Variants in ANKS1B observed in about 807,000 individuals in gnomAD.
ANKS1B encodes ankyrin repeat and sterile alpha motif domain-containing protein 1B.
Under a neutral mutation model 148.3 loss-of-function variants are expected in ANKS1B, and 36 were observed. That is an observed-to-expected ratio of 0.24 (90% CI 0.19 to 0.32). ANKS1B has a LOEUF of 0.32. Among genes scored for constraint, ANKS1B ranks in the 10% least tolerant of loss-of-function variants. The pLI, the probability that ANKS1B is intolerant of heterozygous loss-of-function variation, is 1.00. For synonymous variants in ANKS1B, 542 were observed against 560.8 expected (o/e 0.97, Z 0.47); for missense variants, 1,157 against 1,542.6 (o/e 0.75, Z 4.19).
chr12:99,223,391 G>T (rs1169777018), intron 14 of ANKS1B, among the ~76,000 whole-genome samples: 2 of 152,048 alleles, frequency 1.3e-5, no homozygotes, highest in Admixed American at 6.6e-5. Flanking sequence ...AACATATAAT[G>T]AAATAATTAT....
At chr12:99,669,585 T>G (rs930545700) in intron 8 of ANKS1B, among the ~76,000 whole-genome samples, 6 of 152,126 alleles carry the variant, frequency 3.9e-5, no homozygotes, top group Admixed American at 3.9e-4. Flanking sequence ...CTTGAATGAT[T>G]GTTGGCCTTG....
At chr12:99,721,642 C>T (rs748131217) in intron 8 of ANKS1B, among the ~76,000 whole-genome samples, 1 of 152,210 alleles carries the variant, frequency 6.6e-6, no homozygotes, top group Non-Finnish European at 1.5e-5. Flanking sequence ...TTCGCTGACT[C>T]TCTTTTCGGA....
chr12:99,372,001 T>C (rs761936586), intron 12 of ANKS1B, among the ~76,000 whole-genome samples: 51 of 152,252 alleles, frequency 3.3e-4, no homozygotes, highest in African/African-American at 1.2e-3. Context: ...AGGCAAAGCA[T>C]AGAGGATTTT....
rs140567420 is a variant in ANKS1B, at chr12:98,913,692, A to G, written c.2779-81556T>C. On this transcript the variant is annotated intron_variant, in intron 17 of 26. Coordinates refer to ENST00000683438, the MANE Select transcript of ANKS1B (RefSeq NM_001352186.2). ...GCCCAGGCTGGAGTGCAGTGGTGCA[A>G]TCTCAGCTCACTACAACTTCCACCT... 5.1e-3 allele frequency among the ~76,000 whole-genome samples: 771 copies of G among 152,182 alleles called. 10 individuals are homozygous for G. The highest frequency in any genetic ancestry group is 0.018 in the African/African-American group (734 of 41,512).
chr12:98,817,471 C>G (rs557227376), intron 19 of ANKS1B, among the ~76,000 whole-genome samples: 10 of 152,196 alleles, frequency 6.6e-5, no homozygotes, highest in Non-Finnish European at 1.2e-4. Context: ...AAAATTAGAG[C>G]CTTTTGTTTC....
chr12:98,769,539 T>G (rs933581582), intron 25 of ANKS1B, among the ~76,000 whole-genome samples: 7 of 152,158 alleles, frequency 4.6e-5, no homozygotes, highest in Admixed American at 4.6e-4. Context: ...GTTAAGGCAA[T>G]TCTCTACATG....
chr12:98,971,786 G>A (rs1429413759), intron 17 of ANKS1B, among the ~76,000 whole-genome samples: 2 of 152,186 alleles, frequency 1.3e-5, no homozygotes, highest in African/African-American at 4.8e-5. Context: ...ATCATGGAGT[G>A]TGGGAGATCC....
At position 98,744,543 on chromosome 12, in the gene ANKS1B, TCATA is replaced by T; in HGVS notation, c.*1192_*1195del. 2 of 578,328 alleles carry T rather than the reference TCATA, an allele frequency of 3.5e-6. No homozygotes were observed. The highest frequency in any genetic ancestry group is 4.4e-6 in the Non-Finnish European group (2 of 458,140). The allele number at this position is 578,328 out of a possible 1,614,324, so 35.8% of individuals were successfully genotyped here. A position where few individuals can be genotyped will look rare whatever the true frequency, so the allele number is the denominator to read the frequency against. On this transcript the variant is annotated 3_prime_UTR_variant, in exon 27 of 27. Coordinates refer to ENST00000683438, the MANE Select transcript of ANKS1B (RefSeq NM_001352186.2). ...TTCTACATAAATATACATTATGGTA[TCATA>T]CAAATACTCCACAGAGACATTAAAA...
At position 99,868,071 on chromosome 12, in the gene ANKS1B, C is replaced by T. The variant is rs1383157051; in HGVS notation, c.135-42682G>A. On this transcript the variant is annotated intron_variant, in intron 1 of 26. Coordinates refer to ENST00000683438, the MANE Select transcript of ANKS1B (RefSeq NM_001352186.2). ...TATCTCAATAGATGCAGAAAAAGCA[C>T]TCTATAAAATTCAACACCAATTAAT... Among the ~76,000 whole-genome samples, 3 of 152,088 alleles carry T rather than the reference C, an allele frequency of 2.0e-5. No individual in the cohort carries two copies. In the East Asian group the frequency reaches 5.8e-4, roughly 29 times the overall value.
chr12:98,984,826 A>G (rs2099922289), intron 17 of ANKS1B, among the ~76,000 whole-genome samples: 1 of 152,116 alleles, frequency 6.6e-6, no homozygotes, highest in African/African-American at 2.4e-5. Flanking sequence ...CCTGGGCAAC[A>G]TAGTGAGACC....
intron 12 of ANKS1B, among the ~76,000 whole-genome samples, chr12:99,301,581 T>C (rs1413264350): frequency 6.6e-6 from 1 of 152,172 alleles, no homozygotes; most frequent in East Asian, 1.9e-4. Context: ...CATTTATGTA[T>C]TAAATGTACA....
At chr12:99,348,145 A>G (rs1395953620) in intron 12 of ANKS1B, among the ~76,000 whole-genome samples, 1 of 151,992 alleles carries the variant, frequency 6.6e-6, no homozygotes, top group Non-Finnish European at 1.5e-5. Flanking sequence ...TATCCATTCT[A>G]AAGAACAGAA....
chr12:98,784,247 A>G (rs1188259442), intron 22 of ANKS1B, among the ~76,000 whole-genome samples: 1 of 152,214 alleles, frequency 6.6e-6, no homozygotes, highest in African/African-American at 2.4e-5. Context: ...GGGAGTGGAC[A>G]AGGTGGTTTA....
chr12:99,909,377 G>T (rs980320824), intron 1 of ANKS1B, among the ~76,000 whole-genome samples: 4 of 152,042 alleles, frequency 2.6e-5, no homozygotes, highest in Non-Finnish European at 5.9e-5. Flanking sequence ...ATCTTGACAA[G>T]GTGCTGACTT....
intron 17 of ANKS1B, among the ~76,000 whole-genome samples, chr12:98,958,427 C>T (rs2099865997): frequency 6.6e-6 from 1 of 152,192 alleles, no homozygotes. Context: ...GTCAACAACC[C>T]AGTTATCACT....
At chr12:99,723,595 G>A (rs527274098) in intron 8 of ANKS1B, among the ~76,000 whole-genome samples, 42 of 152,284 alleles carry the variant, frequency 2.8e-4, no homozygotes, top group African/African-American at 1.0e-3. Context: ...CAGCCCAGAT[G>A]AGTGGGTTTC....
chr12:99,095,624 T>G (rs2055784972), intron 15 of ANKS1B, among the ~76,000 whole-genome samples: 1 of 152,200 alleles, frequency 6.6e-6, no homozygotes, highest in Non-Finnish European at 1.5e-5. Context: ...CTCTGACTAG[T>G]GTTTATCTGT....
intron 16 of ANKS1B, among the ~76,000 whole-genome samples, chr12:99,074,341 A>G (rs758464778): frequency 1.3e-5 from 2 of 152,120 alleles, no homozygotes; most frequent in South Asian, 4.1e-4. Flanking sequence ...AAAAAAAAAA[A>G]AACACTAAAA....
intron 11 of ANKS1B, among the ~76,000 whole-genome samples, chr12:99,408,112 T>C (rs1351176580): frequency 6.8e-6 from 1 of 145,986 alleles, no homozygotes; most frequent in African/African-American, 2.6e-5. Context: ...TACCAAGCTA[T>C]AGTAACCAAA....
Sources: gnomAD v4.1 joint callset for allele counts (sites outside exome capture counted in the v4.1 genomes callset) on GRCh38, gnomAD v4.1.1 for gene constraint, MANE v1.5 for transcripts, NCBI Gene and HGNC (gene_info 2026-07-23, HGNC 2026-07-21) for gene names.